Variants in ARCN1 observed in about 807,000 individuals in gnomAD.
ARCN1 encodes the protein archain 1 coat protein complex I subunit delta, also known as coatomer subunit delta.
ARCN1 carries 5 observed loss-of-function variants against 60.4 expected under a neutral mutation model. The observed-to-expected ratio is 0.08, with a 90% confidence interval of 0.04 to 0.17. The LOEUF is 0.17. Among genes scored for constraint, ARCN1 ranks in the 10% least tolerant of loss-of-function variants. ARCN1 has a pLI of 1.00. For missense variants in ARCN1, 464 were observed against 626.5 expected, an observed-to-expected ratio of 0.74 and a Z score of 2.77; for synonymous variants, 224 against 220.0, an observed-to-expected ratio of 1.02 and a Z score of -0.16.
chr11:118,577,647 T>C (rs1468006223), intron 1 of ARCN1, among the ~76,000 whole-genome samples: 4 of 152,218 alleles, frequency 2.6e-5, no homozygotes, highest in Non-Finnish European at 5.9e-5. Context: ...CTCATGTTAC[T>C]TAACACATTC....
In ARCN1 at chr11:118,586,244, C is replaced by T. The variant is rs1014471504; in HGVS notation, c.818+1600C>T. 5.3e-5 allele frequency among the ~76,000 whole-genome samples: 8 copies of T among 152,196 alleles called. No homozygotes were observed. In the Middle Eastern group the frequency reaches 0.01, roughly 194 times the overall value. ...CCAAGTGGCTGGGATTACAGGTGCA[C>T]GCCATCACACCCGGCTAATTTTCTT... On this transcript the variant is annotated intron_variant, in intron 5 of 9. Coordinates refer to ENST00000264028, the MANE Select transcript of ARCN1 (RefSeq NM_001655.5).
chr11:118,577,144 G>A lies in ARCN1; in HGVS notation c.4-4102G>A, dbSNP rs550415822. On this transcript the variant is annotated intron_variant, in intron 1 of 9. Transcript: ENST00000264028. ...TGAGGCTGCACTGAGCCAAGATCAC[G>A]CCACTGCACTACAGCTTGGGCAATA... is the stretch of plus-strand genomic sequence containing the variant. Among the ~76,000 whole-genome samples the A allele has an allele frequency of 5.9e-5, 9 of 152,240 alleles. No individual in the cohort carries two copies. The South Asian group carries it at 6.2e-4, about 11-fold the overall frequency.
chr11:118,600,837 C>T lies in ARCN1; in HGVS notation c.*123C>T, dbSNP rs1053512924. ...GACCCCTTTTTTCTGATACAATGCA[C>T]GATTCTCTGCGCGCAAGGACCCTCG... On this transcript the variant is annotated 3_prime_UTR_variant, in exon 10 of 10. Coordinates refer to ENST00000264028, the MANE Select transcript of ARCN1 (RefSeq NM_001655.5). The T allele has an allele frequency of 6.3e-6, 4 of 631,864 alleles. No individual in the cohort carries two copies. The highest frequency in any genetic ancestry group is 1.9e-5 in the South Asian group (1 of 53,530). 39.1% of individuals were successfully genotyped at this position (631,864 alleles called of 1,614,324 possible).
intron 9 of ARCN1, among the ~76,000 whole-genome samples, chr11:118,599,758 T>G (rs1001719629): frequency 1.3e-5 from 2 of 152,150 alleles, no homozygotes; most frequent in Non-Finnish European, 2.9e-5. Context: ...TTTGCATTAC[T>G]AGGACCCAGT....
chr11:118,600,872 C>A lies in ARCN1; in HGVS notation c.*158C>A. 2.0e-6 allele frequency: 1 copy of A among 506,902 alleles called. No homozygotes were observed. Among genetic ancestry groups the A allele is most frequent in the Non-Finnish European group, 3.5e-6 (1 of 285,634 alleles). The allele number at this position is 506,902 out of a possible 1,614,324, so 31.4% of individuals were successfully genotyped here. A position where few individuals can be genotyped will look rare whatever the true frequency, so the allele number is the denominator to read the frequency against. ...CGCGCAAGGACCCTCGACTCACCCC[C>A]ATGTTTCAGTGTCACAGAGACATTC... On this transcript the variant is annotated 3_prime_UTR_variant, in exon 10 of 10. Coordinates refer to ENST00000264028, the MANE Select transcript of ARCN1 (RefSeq NM_001655.5).
chr11:118,593,391 C>CTTTTTTTTTT (rs57568260), intron 7 of ARCN1, among the ~76,000 whole-genome samples, 199 bp from the exon 8 acceptor site: 3 of 121,000 alleles, frequency 2.5e-5, no homozygotes, highest in African/African-American at 9.6e-5. Context: ...CCACGCCTGG[C>CTTTTTTTTTT]TTTTTTTTTT....
intron 6 of ARCN1, among the ~76,000 whole-genome samples, chr11:118,591,738 G>GTTTTTTTTTTTTTTTTTTGGT (rs543309206): frequency 7.1e-6 from 1 of 140,122 alleles, no homozygotes; most frequent in African/African-American, 2.6e-5. Flanking sequence ...TCTTTTTTTT[G>GTTTTTTTTTTTTTTTTTTGGT]TTTTTTTTTT....
intron 1 of ARCN1, among the ~76,000 whole-genome samples, chr11:118,578,585 C>T (rs1938576647): frequency 6.6e-6 from 1 of 152,266 alleles, no homozygotes; most frequent in Non-Finnish European, 1.5e-5. Flanking sequence ...TTACAATATG[C>T]TCCCATTTAT....
chr11:118,573,347 G>A (rs1404322666), intron 1 of ARCN1, among the ~76,000 whole-genome samples: 1 of 152,146 alleles, frequency 6.6e-6, no homozygotes, highest in African/African-American at 2.4e-5. Flanking sequence ...GGATGGGTTA[G>A]CCTCCGAGAC....
chr11:118,587,968 G>A (rs1938814164), intron 5 of ARCN1, among the ~76,000 whole-genome samples: 1 of 152,196 alleles, frequency 6.6e-6, no homozygotes, highest in Admixed American at 6.5e-5. Flanking sequence ...GAGATACATA[G>A]GGCAAGGTCT....
Position 118,582,426 on chromosome 11 carries a change from G to A in ARCN1, c.268-753G>A, listed in dbSNP as rs193106291. On this transcript the variant is annotated intron_variant, in intron 2 of 9. Coordinates refer to ENST00000264028, the MANE Select transcript of ARCN1 (RefSeq NM_001655.5). Reference sequence around the variant, plus strand: ...ATTACAGGCATGAGCCGCTGCACCCGGCTGTAAGAATCAGGGTCTTGGGCG... The same window carrying A: ...ATTACAGGCATGAGCCGCTGCACCCAGCTGTAAGAATCAGGGTCTTGGGCG... 2.2e-3 allele frequency among the ~76,000 whole-genome samples: 335 copies of A among 151,758 alleles called. 2 individuals are homozygous for A. The highest frequency in any genetic ancestry group is 7.9e-3 in the African/African-American group (326 of 41,452).
In ARCN1 at chr11:118,602,930, A is replaced by T. The variant is rs1433447563; in HGVS notation, c.*2216A>T. 6.5e-6 allele frequency: 1 copy of T among 153,710 alleles called. No homozygotes were observed. Among genetic ancestry groups the T allele is most frequent in the Non-Finnish European group, 1.5e-5 (1 of 68,028 alleles). The allele number at this position is 153,710 out of a possible 1,614,324, so 9.5% of individuals were successfully genotyped here. The stretch of plus-strand genomic sequence containing the variant: ...CAAATAAAGCGCATTATAAAATGAG[A>T]TGTTTATTGGATTATTGACTCACTT... On this transcript the variant is annotated 3_prime_UTR_variant, in exon 10 of 10. Transcript: ENST00000264028.
At position 118,572,484 on chromosome 11, in the gene ARCN1, C is replaced by A. The variant is rs1938365999; in HGVS notation, c.-64C>A. 6.3e-7 allele frequency: 1 copy of A among 1,592,150 alleles called. No homozygotes were observed. Among genetic ancestry groups the A allele is most frequent in the Non-Finnish European group, 8.6e-7 (1 of 1,165,912 alleles). On this transcript the variant is annotated 5_prime_UTR_variant, in exon 1 of 10. Transcript: ENST00000264028. ...TCCAGAGCTGCTGGTGCTCCCGTTC[C>A]CCAGACCCTACCCCTATCCCCAGTG...
rs546322393 is a variant in ARCN1 at position 118,584,701 on chromosome 11, T to A, written c.818+57T>A. 1.1e-5 allele frequency: 16 copies of A among 1,411,312 alleles called. No individual in the cohort carries two copies. In the African/African-American group the frequency reaches 1.8e-4, roughly 16 times the overall value. 87.4% of individuals were successfully genotyped at this position (1,411,312 alleles called of 1,614,324 possible). On this transcript the variant is annotated intron_variant, in intron 5 of 9. Coordinates refer to ENST00000264028, the MANE Select transcript of ARCN1 (RefSeq NM_001655.5). ...TTTGAATACAGTCCACATAATTTTT[T>A]AAAAATCTTATTTCAGTGTGCTATA...
rs10671866 is a variant in ARCN1, at chr11:118,576,426, T to TAAAAA, written c.3+3895_3+3899dup. ...TCTGGAATGTTTTTTCCAAAAATGT[T>TAAAAA]AAAAAAAAAAAAAAAAAAAAAAACC... is the stretch of plus-strand genomic sequence containing the variant. On this transcript the variant is annotated intron_variant, in intron 1 of 9. Transcript: ENST00000264028. Among the ~76,000 whole-genome samples, 322 of 108,694 alleles carry TAAAAA rather than the reference T, an allele frequency of 3.0e-3. 1 individual carries two copies. Among genetic ancestry groups the TAAAAA allele is most frequent in the African/African-American group, 9.3e-3 (267 of 28,768 alleles). 71.3% of individuals were successfully genotyped at this position (108,694 alleles called of 152,430 possible). A position where few individuals can be genotyped will look rare whatever the true frequency, so the allele number is the denominator to read the frequency against.
chr11:118,572,452 C>T lies in ARCN1; in HGVS notation c.-96C>T, dbSNP rs1308536178. On this transcript the variant is annotated 5_prime_UTR_variant, in exon 1 of 10. Coordinates refer to ENST00000264028, the MANE Select transcript of ARCN1 (RefSeq NM_001655.5). ...GCGGCAGCGGTTCCTGTCAAGGGGG[C>T]AGCAGGTCCAGAGCTGCTGGTGCTC... 10 of 1,318,422 alleles carry T rather than the reference C, an allele frequency of 7.6e-6. No homozygotes were observed. Among genetic ancestry groups the T allele is most frequent in the Non-Finnish European group, 1.0e-5 (10 of 961,718 alleles). 81.7% of individuals were successfully genotyped at this position (1,318,422 alleles called of 1,614,324 possible).
intron 6 of ARCN1, among the ~76,000 whole-genome samples, chr11:118,591,613 G>A (rs959768844): frequency 6.6e-6 from 1 of 151,766 alleles, no homozygotes; most frequent in African/African-American, 2.4e-5. Flanking sequence ...AGCTGGTCTC[G>A]AACTCTTGAC....
At position 118,600,767 on chromosome 11, in the gene ARCN1, C is replaced by T. The variant is rs1037054979; in HGVS notation, c.*53C>T. The T allele has an allele frequency of 8.0e-7, 1 of 1,248,328 alleles. No individual in the cohort carries two copies. The highest frequency in any genetic ancestry group is 1.1e-6 in the Non-Finnish European group (1 of 873,130). 77.3% of individuals were successfully genotyped at this position (1,248,328 alleles called of 1,614,324 possible). On this transcript the variant is annotated 3_prime_UTR_variant, in exon 10 of 10. Transcript: ENST00000264028. The stretch of plus-strand genomic sequence containing the variant: ...AATTTTCAGATTAATAAAGAAGACG[C>T]CAATGATGGCTGAAGAGTTTTTCCC...
In ARCN1 at chr11:118,582,966, A is replaced by G. The variant is rs11216913; in HGVS notation, c.268-213A>G. ...TGAGGCAGGAGAATCACTTAAACCCAGGAGATGGAGGTTGCAGTGAGCCGA... is the reference window on the plus strand; with the variant it reads ...TGAGGCAGGAGAATCACTTAAACCCGGGAGATGGAGGTTGCAGTGAGCCGA... On this transcript the variant is annotated intron_variant, in intron 2 of 9. Coordinates refer to ENST00000264028, the MANE Select transcript of ARCN1 (RefSeq NM_001655.5). Among the ~76,000 whole-genome samples the G allele has an allele frequency of 0.16, 24,984 of 152,040 alleles. 2,609 individuals are homozygous for G. The highest frequency in any genetic ancestry group is 0.53 in the East Asian group (2,711 of 5,146).
Sources: allele counts gnomAD v4.1 joint callset (sites outside exome capture counted in the v4.1 genomes callset), GRCh38; gene constraint gnomAD v4.1.1; transcripts MANE v1.5; gene names NCBI Gene and HGNC (gene_info 2026-07-23, HGNC 2026-07-21).